Variants in PHLDB2 observed in about 807,000 individuals in gnomAD.
The protein encoded by PHLDB2 is pleckstrin homology like domain family B member 2.
PHLDB2 carries 71 observed loss-of-function variants against 123.6 expected under a neutral mutation model. The ratio of observed to expected loss-of-function variants is 0.57; its 90% CI spans 0.47 to 0.70. PHLDB2 has a LOEUF of 0.70. Among genes scored for constraint, PHLDB2 ranks in the 30% least tolerant of loss-of-function variants. PHLDB2 has a pLI of 0.00. For synonymous variants in PHLDB2, 547 were observed against 541.6 expected (o/e 1.01, Z -0.14); for missense variants, 1,446 against 1,519.5 (o/e 0.95, Z 0.80).
intron 5 of PHLDB2, among the ~76,000 whole-genome samples, chr3:111,921,051 A>C (rs1157514108): frequency 2.0e-5 from 3 of 152,220 alleles, no homozygotes; most frequent in African/African-American, 7.2e-5. Context: ...TTCTGTGTAT[A>C]CATTTTGGAT....
At chr3:111,763,520 T>C (rs1320575156) in intron 1 of PHLDB2, among the ~76,000 whole-genome samples, 1 of 152,230 alleles carries the variant, frequency 6.6e-6, no homozygotes, top group Non-Finnish European at 1.5e-5. Flanking sequence ...CAGTTCCTGA[T>C]ACATAGTAAG....
chr3:111,783,985 T>C (rs74956257), intron 1 of PHLDB2, among the ~76,000 whole-genome samples: 7,272 of 152,214 alleles, frequency 0.048, 587 homozygotes, highest in African/African-American at 0.16. Flanking sequence ...GGCAATTGTT[T>C]AGAGGATCCA....
chr3:111,885,488 T>C, intron 2 of PHLDB2, 76 bp downstream of exon 2: 1 of 1,564,472 alleles, frequency 6.4e-7, no homozygotes, highest in Non-Finnish European at 8.8e-7. Context: ...GGAGATGGAC[T>C]CCAGGATATG....
At chr3:111,972,730 G>C (rs1219564915) in intron 16 of PHLDB2, among the ~76,000 whole-genome samples, 1 of 151,792 alleles carries the variant, frequency 6.6e-6, no homozygotes, top group East Asian at 1.9e-4. Context: ...CAGTAACTTT[G>C]TAGATTTCAT....
chr3:111,831,034 G>GAAAAGAAAGAAAGAAAGAAAGAAAGA (rs1559855393), intron 1 of PHLDB2, among the ~76,000 whole-genome samples: 4 of 46,136 alleles, frequency 8.7e-5, no homozygotes, highest in Non-Finnish European at 1.4e-4. Context: ...AGAAAGAAAG[G>GAAAAGAAAGAAAGAAAGAAAGAAAGA]AAGGAAGGAA....
chr3:111,840,567 T>C (rs982496431), intron 1 of PHLDB2, among the ~76,000 whole-genome samples: 1 of 152,148 alleles, frequency 6.6e-6, no homozygotes, highest in African/African-American at 2.4e-5. Flanking sequence ...ACAGTTTCCA[T>C]GAAAGGGAGC....
chr3:111,960,109 C>A, intron 12 of PHLDB2: 1 of 735,876 alleles, frequency 1.4e-6, no homozygotes, highest in Non-Finnish European at 1.7e-6. Context: ...GTTTTTTTGT[C>A]ATTTGCATAA....
chr3:111,746,556 G>A (rs1448047591), intron 1 of PHLDB2, among the ~76,000 whole-genome samples: 1 of 152,006 alleles, frequency 6.6e-6, no homozygotes, highest in Non-Finnish European at 1.5e-5. Context: ...TGAAGCCAAG[G>A]GTTTAAGACC....
intron 2 of PHLDB2, among the ~76,000 whole-genome samples, chr3:111,849,606 G>C (rs1294468511): frequency 1.3e-5 from 2 of 152,172 alleles, no homozygotes; most frequent in Non-Finnish European, 2.9e-5. Flanking sequence ...AGCACAGCAA[G>C]TGAATTTTGA....
chr3:111,814,892 C>T (rs1387519700), intron 1 of PHLDB2, among the ~76,000 whole-genome samples: 1 of 152,162 alleles, frequency 6.6e-6, no homozygotes, highest in Non-Finnish European at 1.5e-5. Flanking sequence ...GTGTCCCCAC[C>T]CAAATCTCAT....
intron 12 of PHLDB2, among the ~76,000 whole-genome samples, chr3:111,954,473 A>G (rs934315526): frequency 4.6e-5 from 7 of 152,186 alleles, no homozygotes; most frequent in African/African-American, 1.4e-4. Context: ...CAGAATTCTT[A>G]TAGGCCTTTT....
At chr3:111,802,899 T>A (rs1211904996) in intron 1 of PHLDB2, among the ~76,000 whole-genome samples, 3 of 152,170 alleles carry the variant, frequency 2.0e-5, no homozygotes, top group Non-Finnish European at 4.4e-5. Context: ...TGCTCCCAAA[T>A]GATAGATAAT....
At chr3:111,845,694 C>T in intron 1 of PHLDB2, 1 of 1,060,242 alleles carries the variant, frequency 9.4e-7, no homozygotes, top group Non-Finnish European at 1.4e-6. Context: ...TTTTCAACTT[C>T]AGCAGTAGTT....
intron 1 of PHLDB2, among the ~76,000 whole-genome samples, chr3:111,869,840 T>C (rs2065256678): frequency 1.3e-5 from 2 of 152,250 alleles, no homozygotes; most frequent in Admixed American, 6.5e-5. Context: ...ATGGAACTGC[T>C]TTGTTGGATC....
chr3:111,975,971 A>G lies in PHLDB2; in HGVS notation c.*1408A>G, dbSNP rs2107704320. 1 of 152,804 alleles carries G rather than the reference A, an allele frequency of 6.5e-6. No homozygotes were observed. The highest frequency in any genetic ancestry group is 1.9e-4 in the East Asian group (1 of 5,188). 9.5% of individuals were successfully genotyped at this position (152,804 alleles called of 1,614,324 possible). On this transcript the variant is annotated 3_prime_UTR_variant, in exon 18 of 18. Coordinates refer to ENST00000431670, the MANE Select transcript of PHLDB2 (RefSeq NM_001134438.2). ...ATCAATAATAAGATTTTGCAACTGG[A>G]TGACACAAGATTTTACTTGAACAGT...
intron 1 of PHLDB2, among the ~76,000 whole-genome samples, chr3:111,808,281 G>A (rs1024542783): frequency 2.6e-5 from 4 of 152,024 alleles, no homozygotes; most frequent in African/African-American, 9.7e-5. Flanking sequence ...GAGACTAGCT[G>A]TACCCACCCA....
chr3:111,917,981 T>C (rs2068275994), intron 3 of PHLDB2, among the ~76,000 whole-genome samples: 1 of 152,206 alleles, frequency 6.6e-6, no homozygotes, highest in Non-Finnish European at 1.5e-5. Flanking sequence ...TGAAACTGTA[T>C]AATTATTGAC....
chr3:111,925,023 T>A (rs545331998), intron 5 of PHLDB2, among the ~76,000 whole-genome samples: 1 of 152,016 alleles, frequency 6.6e-6, no homozygotes, highest in East Asian at 1.9e-4. Context: ...GAGACGGAGT[T>A]TCGTCATGTT....
At chr3:111,956,875 A>T (rs765680318) in intron 12 of PHLDB2, 30 of 152,226 alleles carry the variant, frequency 2.0e-4, no homozygotes, top group Non-Finnish European at 2.9e-5. Flanking sequence ...TAGCAAATAC[A>T]AGTAAAATTC....
Sources: allele counts gnomAD v4.1 joint callset (sites outside exome capture counted in the v4.1 genomes callset), GRCh38; gene constraint gnomAD v4.1.1; transcripts MANE v1.5; gene names NCBI Gene and HGNC (gene_info 2026-07-23, HGNC 2026-07-21).